Variants in GRIK3 observed in about 807,000 individuals in gnomAD.
GRIK3 encodes the protein glutamate receptor ionotropic, kainate 3.
In GRIK3, 29 loss-of-function variants were observed where a neutral mutation model predicts 102.5. The observed-to-expected ratio is 0.28, with a 90% CI of 0.21 to 0.39. The LOEUF is 0.39. Among genes scored for constraint, GRIK3 ranks in the 10% least tolerant of loss-of-function variants. The pLI is 1.00. For synonymous variants in GRIK3, 511 were observed against 504.9 expected, an observed-to-expected ratio of 1.01 and a Z score of -0.16; for missense variants, 908 against 1,252.4, an observed-to-expected ratio of 0.73 and a Z score of 4.15.
chr1:36,866,380 T>G (rs1570768926), intron 5 of GRIK3, among the ~76,000 whole-genome samples: 2 of 152,234 alleles, frequency 1.3e-5, no homozygotes, highest in African/African-American at 4.8e-5. Context: ...GCTTTGGAGC[T>G]GGACAGCTCC....
chr1:36,962,892 A>AC (rs1169306660), intron 1 of GRIK3, among the ~76,000 whole-genome samples: 1 of 151,608 alleles, frequency 6.6e-6, no homozygotes, highest in African/African-American at 2.4e-5. Flanking sequence ...TCAAAAAAAA[A>AC]AAAAAAAAAA....
Position 36,832,643 on chromosome 1 carries a change from G to A in GRIK3, c.1531-6817C>T, listed in dbSNP as rs576737479. Among the ~76,000 whole-genome samples, 20 of 152,338 alleles carry A rather than the reference G, an allele frequency of 1.3e-4. No individual in the cohort carries two copies. The South Asian group carries it at 4.1e-3, about 32-fold the overall frequency. The stretch of plus-strand genomic sequence containing the variant: ...ACTGCCTAACAGTGAGGAAAGATGT[G>A]TGTACCCTTCCTGGGCCTGAGAGGA... On this transcript the variant is annotated intron_variant, in intron 10 of 15. Transcript: ENST00000373091.
intron 1 of GRIK3, among the ~76,000 whole-genome samples, chr1:37,026,121 C>G (rs1323590951): frequency 6.6e-6 from 1 of 152,218 alleles, no homozygotes; most frequent in South Asian, 2.1e-4. Context: ...GATCAAGACT[C>G]TCTGGACCAG....
intron 1 of GRIK3, among the ~76,000 whole-genome samples, chr1:36,903,275 C>A (rs1005177961): frequency 6.6e-6 from 1 of 152,228 alleles, no homozygotes; most frequent in African/African-American, 2.4e-5. Context: ...CAAGATACCA[C>A]TACACATCTG....
At chr1:36,859,063 AC>A in intron 7 of GRIK3, 44 bp downstream of exon 7, 1 of 1,518,504 alleles carries the variant, frequency 6.6e-7, no homozygotes, top group African/African-American at 1.4e-5. Context: ...TACAGGGCCC[AC>A]AGTCCCGGGG....
rs1400991236 is a variant in GRIK3 at position 36,819,988 on chromosome 1, G to A, written c.1755-134C>T. 1 of 604,794 alleles carries A rather than the reference G, an allele frequency of 1.7e-6. No homozygotes were observed. Among genetic ancestry groups the A allele is most frequent in the Non-Finnish European group, 3.0e-6 (1 of 330,208 alleles). The allele number at this position is 604,794 out of a possible 1,614,324, so 37.5% of individuals were successfully genotyped here. On this transcript the variant is annotated intron_variant, in intron 11 of 15. Coordinates refer to ENST00000373091, the MANE Select transcript of GRIK3 (RefSeq NM_000831.4). The surrounding 1 kb of genome is among the most constrained non-coding windows in gnomAD (Gnocchi z 4.1). ...CCTCATGGTTCTGCTGGGAGGCAGG[G>A]CAGGGGAATTTCTTCTTGTTCTTTA...
chr1:36,905,473 T>A (rs1641276099), intron 1 of GRIK3, among the ~76,000 whole-genome samples: 1 of 150,760 alleles, frequency 6.6e-6, no homozygotes. Context: ...CCCTCTGCAT[T>A]GAGATAGAGC....
intron 1 of GRIK3, among the ~76,000 whole-genome samples, chr1:37,010,727 C>CTTTTTTT (rs60750637): frequency 5.9e-5 from 6 of 102,528 alleles, no homozygotes; most frequent in African/African-American, 8.5e-5. Context: ...ACCTGTACCA[C>CTTTTTTT]TTTTTTTTTT....
rs554278008 is a variant in GRIK3 at position 36,888,362 on chromosome 1, C to T, written c.292+2558G>A. Among the ~76,000 whole-genome samples the T allele has an allele frequency of 2.1e-4, 32 of 152,306 alleles. 1 individual carries two copies. The South Asian group carries it at 6.0e-3, about 29-fold the overall frequency. The stretch of plus-strand genomic sequence containing the variant: ...CAGTGTGGGGCACCAGCAGTCAGAA[C>T]GGTGGTGACCTTGGGAGAGGAATGA... On this transcript the variant is annotated intron_variant, in intron 2 of 15. Transcript: ENST00000373091.
At position 37,028,140 on chromosome 1, in the gene GRIK3, C is replaced by G. The variant is rs190639955; in HGVS notation, c.115+5854G>C. On this transcript the variant is annotated intron_variant, in intron 1 of 15. Transcript: ENST00000373091. Reference sequence around the variant, plus strand: ...GGGAAGTGAGGGAAGGAAGGAATAACAAAGACAGCTAATTCTCCAACCACC... The same window carrying G: ...GGGAAGTGAGGGAAGGAAGGAATAAGAAAGACAGCTAATTCTCCAACCACC... Among the ~76,000 whole-genome samples, 4 of 152,306 alleles carry G rather than the reference C, an allele frequency of 2.6e-5. No individual in the cohort carries two copies. In the East Asian group the frequency reaches 7.7e-4, roughly 29 times the overall value.
At chr1:36,886,026 C>G (rs566230312) in intron 2 of GRIK3, among the ~76,000 whole-genome samples, 118 of 152,148 alleles carry the variant, frequency 7.8e-4, no homozygotes, top group Non-Finnish European at 1.3e-3. Context: ...GCCTGGGGAG[C>G]CCTGGGTCAA....
intron 1 of GRIK3, among the ~76,000 whole-genome samples, chr1:36,912,433 C>A (rs1458263430): frequency 2.6e-5 from 4 of 152,044 alleles, no homozygotes. Flanking sequence ...CCCCCTCCTC[C>A]CCCCTCTGCT....
Position 37,030,529 on chromosome 1 carries a change from T to TC in GRIK3, c.115+3464_115+3465insG, listed in dbSNP as rs1442097555. 3.3e-3 allele frequency among the ~76,000 whole-genome samples: 388 copies of TC among 117,246 alleles called. 8 individuals carry two copies. The highest frequency in any genetic ancestry group is 0.014 in the African/African-American group (346 of 24,364). The allele number at this position is 117,246 out of a possible 152,430, so 76.9% of individuals were successfully genotyped here. On this transcript the variant is annotated intron_variant, in intron 1 of 15. Coordinates refer to ENST00000373091, the MANE Select transcript of GRIK3 (RefSeq NM_000831.4). ...TCCAGAGCTGGGCCAACCCTTCCTT[T>TC]TCCCCACCCCCCACCCCCTCCCCCC...
intron 15 of GRIK3, among the ~76,000 whole-genome samples, chr1:36,803,662 T>A (rs921566634): frequency 6.6e-6 from 1 of 152,130 alleles, no homozygotes; most frequent in Non-Finnish European, 1.5e-5. Flanking sequence ...ATCTCTTGAC[T>A]TCGTGATCCA....
intron 1 of GRIK3, among the ~76,000 whole-genome samples, chr1:36,959,236 G>GC (rs1641968859): frequency 8.1e-6 from 1 of 124,160 alleles, no homozygotes; most frequent in African/African-American, 2.9e-5. Flanking sequence ...ATGACTCTGT[G>GC]TCCCATGACC....
chr1:37,003,021 GTTT>G lies in GRIK3; in HGVS notation c.115+30970_115+30972del, dbSNP rs68098848. On this transcript the variant is annotated intron_variant, in intron 1 of 15. Transcript: ENST00000373091. ...AAATAAAGGGTTAATAAAAGCTGTT[GTTT>G]TTTTTTTTTTTTTTGTCCCAGAGGT... 4.8e-3 allele frequency among the ~76,000 whole-genome samples: 534 copies of G among 111,008 alleles called. 1 individual carries two copies. The highest frequency in any genetic ancestry group is 0.015 in the African/African-American group (463 of 31,544). 72.8% of individuals were successfully genotyped at this position (111,008 alleles called of 152,430 possible).
intron 2 of GRIK3, among the ~76,000 whole-genome samples, chr1:36,885,914 C>A (rs897150434): frequency 1.3e-5 from 2 of 152,210 alleles, no homozygotes; most frequent in Non-Finnish European, 2.9e-5. Flanking sequence ...GCTGTCCCCC[C>A]ACTCCCTTTC....
intron 1 of GRIK3, among the ~76,000 whole-genome samples, chr1:36,990,976 AC>A (rs34702358): frequency 6.6e-6 from 1 of 152,070 alleles, no homozygotes; most frequent in African/African-American, 2.4e-5. Context: ...TCAGGGCCCC[AC>A]CCCACCTGAC....
In GRIK3 at chr1:36,806,074, C is replaced by A; in HGVS notation, c.2314+30G>T. ...GGAGCCCTCCCTCTGCCCACACACC[C>A]ACCCCTCCCACAGGCAGCCCCTCGC... On this transcript the variant is annotated intron_variant, in intron 14 of 15. Coordinates refer to ENST00000373091, the MANE Select transcript of GRIK3 (RefSeq NM_000831.4). This position sits in a 1 kb window ranked among gnomAD's most constrained non-coding sequence, Gnocchi z 4.0. The A allele has an allele frequency of 1.3e-6, 2 of 1,528,800 alleles. No individual in the cohort carries two copies. The highest frequency in any genetic ancestry group is 1.1e-5 in the South Asian group (1 of 87,086). The allele number at this position is 1,528,800 out of a possible 1,614,324, so 94.7% of individuals were successfully genotyped here. A position where few individuals can be genotyped will look rare whatever the true frequency, so the allele number is the denominator to read the frequency against.
Sources: allele counts gnomAD v4.1 joint callset (sites outside exome capture counted in the v4.1 genomes callset), GRCh38; gene constraint gnomAD v4.1.1; non-coding constraint Gnocchi (gnomAD v3.1); transcripts MANE v1.5; gene names NCBI Gene and HGNC (gene_info 2026-07-23, HGNC 2026-07-21).